LAMB1: variants seen among roughly 807,000 people sequenced by gnomAD.
LAMB1 encodes laminin subunit beta-1.
A neutral mutation model predicts 222.3 loss-of-function variants in LAMB1; 121 were observed. The ratio of observed to expected loss-of-function variants is 0.54; its 90% CI spans 0.47 to 0.63. The LOEUF (loss-of-function observed/expected upper bound fraction) is 0.63, where lower values mean the gene tolerates loss of function less well. Ranked by LOEUF, LAMB1 falls within the 30% of genes least tolerant of loss-of-function variation. The probability of loss-of-function intolerance (pLI) is 0.00; values close to 1 mark genes in which losing one functional copy is unlikely to be tolerated. For missense variants in LAMB1, 2,172 were observed against 2,240.8 expected (o/e 0.97, Z 0.62); for synonymous variants, 794 against 807.2 (o/e 0.98, Z 0.28).
rs977986882 is a variant in LAMB1 at position 107,964,830 on chromosome 7, G to GA, written c.1563-144dup. The GA allele has an allele frequency of 2.1e-5, 20 of 951,200 alleles. 1 individual carries two copies. Among genetic ancestry groups the GA allele is most frequent in the African/African-American group, 1.7e-4 (10 of 59,968 alleles). The allele number at this position is 951,200 out of a possible 1,614,324, so 58.9% of individuals were successfully genotyped here. A position where few individuals can be genotyped will look rare whatever the true frequency, so the allele number is the denominator to read the frequency against. On this transcript the variant is annotated intron_variant, in intron 13 of 33. Transcript: ENST00000222399. Reference sequence around the variant, plus strand: ...GTTTTCTTCAGAAAATACATATGTGGAAAAAAGTAGTGCCTATGGATTAAT... The same window carrying GA: ...GTTTTCTTCAGAAAATACATATGTGGAAAAAAAGTAGTGCCTATGGATTAAT...
intron 27 of LAMB1, chr7:107,932,638 C>T: frequency 1.9e-6 from 1 of 522,492 alleles, no homozygotes; most frequent in South Asian, 2.4e-5. Context: ...TATATGAGCT[C>T]TGCCCAGGAT....
At chr7:107,976,975 T>G (rs867916253) in intron 9 of LAMB1, among the ~76,000 whole-genome samples, 4 of 134,086 alleles carry the variant, frequency 3.0e-5, no homozygotes, top group African/African-American at 1.3e-4. Flanking sequence ...CTCTCCCTCC[T>G]TCCTTCCTTT....
At chr7:107,957,689 A>G (rs2033407543) in intron 20 of LAMB1, among the ~76,000 whole-genome samples, 1 of 152,246 alleles carries the variant, frequency 6.6e-6, no homozygotes, top group Non-Finnish European at 1.5e-5. Context: ...ATCCAAATAC[A>G]TCATGATAGA....
chr7:107,961,785 T>C (rs1341336103), intron 15 of LAMB1, 109 bp from the exon 16 acceptor site: 1 of 1,267,622 alleles, frequency 7.9e-7, no homozygotes, highest in Admixed American at 2.1e-5. Flanking sequence ...AACAAACAGT[T>C]GCTCTTCACT....
At chr7:107,994,426 A>G (rs532058331) in intron 5 of LAMB1, among the ~76,000 whole-genome samples, 1 of 152,218 alleles carries the variant, frequency 6.6e-6, no homozygotes, top group African/African-American at 2.4e-5. Context: ...ATGATTCTTT[A>G]GTTTTCCACA....
chr7:107,972,977 T>C lies in LAMB1; in HGVS notation c.1562+15A>G. On this transcript the variant is annotated intron_variant, in intron 13 of 33. Transcript: ENST00000222399. ...GGAAGACTGAGGACAAGAGCATACG[T>C]AGAGCTCCATTTACCTGTTGTTTAA... The C allele has an allele frequency of 1.3e-6, 2 of 1,598,084 alleles. No individual in the cohort carries two copies. Among genetic ancestry groups the C allele is most frequent in the Non-Finnish European group, 1.7e-6 (2 of 1,165,414 alleles).
At chr7:107,993,832 G>C (rs918415940) in intron 5 of LAMB1, among the ~76,000 whole-genome samples, 1 of 152,148 alleles carries the variant, frequency 6.6e-6, no homozygotes, top group Non-Finnish European at 1.5e-5. Context: ...TCAATACCAG[G>C]TGTCACAGTC....
intron 24 of LAMB1, among the ~76,000 whole-genome samples, chr7:107,945,632 T>C (rs771788369): frequency 6.6e-5 from 10 of 152,224 alleles, no homozygotes; most frequent in African/African-American, 1.7e-4. Flanking sequence ...CAGGGCCACA[T>C]AGGCCTGGCT....
intron 29 of LAMB1, 162 bp from the exon 30 acceptor site, chr7:107,929,781 G>GATTC: frequency 8.0e-6 from 5 of 625,492 alleles, no homozygotes; most frequent in South Asian, 3.9e-5. Context: ...GGATTTTGAG[G>GATTC]GGAGATGAGA....
At chr7:107,977,018 C>T (rs1414363398) in intron 9 of LAMB1, among the ~76,000 whole-genome samples, 2 of 133,188 alleles carry the variant, frequency 1.5e-5, no homozygotes, top group Non-Finnish European at 3.3e-5. Flanking sequence ...CCTCTCTCTC[C>T]TTCCTTCCTT....
intron 25 of LAMB1, 121 bp from the exon 26 acceptor site, chr7:107,937,398 C>T: frequency 1.4e-6 from 1 of 719,336 alleles, no homozygotes; most frequent in Non-Finnish European, 2.3e-6. Context: ...TAATTTGTAA[C>T]ATTTCATCCC....
chr7:107,975,909 T>G, intron 9 of LAMB1, 32 bp from the exon 10 acceptor site: 1 of 1,598,044 alleles, frequency 6.3e-7, no homozygotes, highest in Non-Finnish European at 8.5e-7. Context: ...AAGAAAAGCT[T>G]TTTAAATCTA....
rs1468226257 is a variant in LAMB1, at chr7:107,926,312, G to T, written c.4935C>A (p.Ser1645=). The change falls in exon 32 of 34, where the codon TCC becomes TCA. Residue 1645 remains serine, a synonymous_variant. Coordinates refer to ENST00000222399, the MANE Select transcript of LAMB1 (RefSeq NM_002291.3). ...AASEETLFNA[S]QRISELERNV... is the part of the protein sequence containing the mutation. ...TCCTCTCTAACTCGCTGATGCGCTGGGACGCGTTGAACAAGGTTTCCTCAG... is the reference window on the plus strand; with the variant it reads ...TCCTCTCTAACTCGCTGATGCGCTGTGACGCGTTGAACAAGGTTTCCTCAG... The T allele has an allele frequency of 6.2e-7, 1 of 1,613,922 alleles. No individual in the cohort carries two copies. Among genetic ancestry groups the T allele is most frequent in the South Asian group, 1.1e-5 (1 of 91,078 alleles).
At chr7:107,946,564 G>A (rs1280546478) in intron 24 of LAMB1, among the ~76,000 whole-genome samples, 4 of 152,212 alleles carry the variant, frequency 2.6e-5, no homozygotes, top group South Asian at 2.1e-4. Flanking sequence ...AGCTACTATC[G>A]GCAGGGGGCT....
chr7:107,969,008 GC>G (rs1260849202), intron 13 of LAMB1, among the ~76,000 whole-genome samples: 1 of 152,154 alleles, frequency 6.6e-6, no homozygotes, highest in African/African-American at 2.4e-5. Context: ...TACATTTATG[GC>G]TGGGTGTGGT....
chr7:107,925,488 T>C (rs765795618), intron 32 of LAMB1, among the ~76,000 whole-genome samples: 6 of 152,068 alleles, frequency 3.9e-5, no homozygotes, highest in Admixed American at 6.5e-5. Context: ...CTGGAAAAAT[T>C]GTCTTCCAGG....
At chr7:107,948,931 G>A (rs2033184352) in intron 24 of LAMB1, among the ~76,000 whole-genome samples, 1 of 152,182 alleles carries the variant, frequency 6.6e-6, no homozygotes, top group Admixed American at 6.5e-5. Flanking sequence ...ATGCCAAAGG[G>A]AGGAGTAAAA....
In LAMB1 at chr7:107,946,908, CCCCA is replaced by C. The variant is rs2033128591; in HGVS notation, c.3391+4314_3391+4317del. Among the ~76,000 whole-genome samples the C allele has an allele frequency of 2.0e-5, 3 of 152,322 alleles. No homozygotes were observed. In the South Asian group the frequency reaches 6.2e-4, roughly 32 times the overall value. ...CACTACCCGGACCCTCTTGCCTATG[CCCCA>C]CATTTACCGTTTGCCTGGGTTTAGA... is the stretch of plus-strand genomic sequence containing the variant. On this transcript the variant is annotated intron_variant, in intron 24 of 33. Coordinates refer to ENST00000222399, the MANE Select transcript of LAMB1 (RefSeq NM_002291.3).
At chr7:107,985,893 G>T (rs1429636989) in intron 7 of LAMB1, 129 bp downstream of exon 7, 4 of 669,506 alleles carry the variant, frequency 6.0e-6, no homozygotes, top group South Asian at 3.7e-5. Context: ...GGAGGCGGAG[G>T]TTGCAATGAG....
Sources: gnomAD v4.1 joint callset for allele counts (sites outside exome capture counted in the v4.1 genomes callset) on GRCh38, gnomAD v4.1.1 for gene constraint, MANE v1.5 for transcripts, NCBI Gene and HGNC (gene_info 2026-07-23, HGNC 2026-07-21) for gene names.